Variants in PCDH11Y observed in about 807,000 individuals in gnomAD.
PCDH11Y encodes the protein protocadherin 11 Y-linked.
For missense variants in PCDH11Y, 12 were observed against 224.8 expected (o/e 0.05, Z 6.05); for synonymous variants, 9 against 83.6 (o/e 0.11, Z 4.87).
chrY:5,735,920 C>CT (rs2053609019), intron 4 of PCDH11Y, among the ~76,000 whole-genome samples: 1 of 32,383 alleles, frequency 3.1e-5, no homozygotes, highest in Non-Finnish European at 7.6e-5. Flanking sequence ...TTTTTTTCAT[C>CT]TTTTTTTTAA....
chrY:5,213,072 C>T, intron 2 of PCDH11Y, among the ~76,000 whole-genome samples: 1 of 25,696 alleles, frequency 3.9e-5, no homozygotes, highest in Non-Finnish European at 8.8e-5. Context: ...GCAATCAATT[C>T]GCATGCAGTA....
At chrY:5,321,792 G>C (rs370047353) in intron 2 of PCDH11Y, among the ~76,000 whole-genome samples, 123 of 31,129 alleles carry the variant, frequency 4.0e-3, no homozygotes, top group African/African-American at 0.014. Flanking sequence ...AACATACCGA[G>C]ACCCATCTCT....
intron 3 of PCDH11Y, among the ~76,000 whole-genome samples, chrY:5,525,829 T>A (rs2053387060): frequency 6.3e-5 from 2 of 31,589 alleles, no homozygotes; most frequent in African/African-American, 1.3e-4. Context: ...GCATCTATAG[T>A]ACCTTCATTT....
At chrY:5,492,505 G>A in intron 2 of PCDH11Y, among the ~76,000 whole-genome samples, 2 of 24,864 alleles carry the variant, frequency 8.0e-5, no homozygotes, top group South Asian at 2.0e-3. Flanking sequence ...GTGTATGTGC[G>A]TGTGGAGTAT....
intron 4 of PCDH11Y, among the ~76,000 whole-genome samples, chrY:5,597,313 A>ATGTATATATGTG (rs2053468009): frequency 5.7e-5 from 1 of 17,625 alleles, no homozygotes; most frequent in African/African-American, 2.5e-4. Flanking sequence ...ATATATACGT[A>ATGTATATATGTG]TGTATATATG....
At chrY:5,559,553 T>A in intron 3 of PCDH11Y, among the ~76,000 whole-genome samples, 1 of 32,803 alleles carries the variant, frequency 3.0e-5, no homozygotes, top group Non-Finnish European at 7.4e-5. Context: ...TCCCAAATGT[T>A]GTGGGAGGAG....
intron 2 of PCDH11Y, among the ~76,000 whole-genome samples, chrY:5,487,769 C>T: frequency 9.0e-5 from 3 of 33,275 alleles, no homozygotes; most frequent in African/African-American, 2.4e-4. Flanking sequence ...ACTGACATGT[C>T]AAACTTGTTT....
intron 4 of PCDH11Y, among the ~76,000 whole-genome samples, chrY:5,682,682 T>C: frequency 6.5e-5 from 2 of 30,830 alleles, no homozygotes; most frequent in African/African-American, 2.6e-4. Flanking sequence ...TATATCAAGC[T>C]CCAACAGGTC....
intron 3 of PCDH11Y, among the ~76,000 whole-genome samples, chrY:5,045,338 C>T: frequency 3.4e-4 from 11 of 32,494 alleles, no homozygotes; most frequent in African/African-American, 1.1e-3. Context: ...ATTTGCTTGT[C>T]TGTAAAGTAT....
chrY:5,087,832 C>T, intron 1 of PCDH11Y, among the ~76,000 whole-genome samples: 1 of 31,591 alleles, frequency 3.2e-5, no homozygotes, highest in African/African-American at 1.3e-4. Context: ...AGTGGTTCCC[C>T]ACCAGATAGG....
intron 4 of PCDH11Y, among the ~76,000 whole-genome samples, chrY:5,603,915 GAAAGAAAGA>G (rs2053476198): frequency 1.2e-4 from 3 of 25,732 alleles, no homozygotes; most frequent in Admixed American, 3.8e-4. Context: ...AAGAAAGAAA[GAAAGAAAGA>G]AAAGAAAGAA....
At chrY:5,735,878 G>A (rs2053608954) in intron 4 of PCDH11Y, among the ~76,000 whole-genome samples, 11 of 32,424 alleles carry the variant, frequency 3.4e-4, no homozygotes, top group African/African-American at 1.3e-3. Flanking sequence ...TAAGAACATG[G>A]TATATCTCTC....
chrY:5,588,167 A>G (rs2053457681), intron 4 of PCDH11Y, among the ~76,000 whole-genome samples: 1 of 26,192 alleles, frequency 3.8e-5, no homozygotes, highest in African/African-American at 1.5e-4. Context: ...AGCTAATAAT[A>G]ATTTAACACT....
chrY:5,424,745 C>T (rs2053261662), intron 2 of PCDH11Y, among the ~76,000 whole-genome samples: 1 of 32,147 alleles, frequency 3.1e-5, no homozygotes, highest in African/African-American at 1.2e-4. Context: ...TGCCCAGGCT[C>T]GACTCATTGC....
chrY:5,111,893 G>A, intron 2 of PCDH11Y, among the ~76,000 whole-genome samples: 1 of 34,370 alleles, frequency 2.9e-5, no homozygotes. Context: ...TAGAGGAAAT[G>A]TCATATTAAT....
At chrY:5,009,997 G>A in intron 1 of PCDH11Y, among the ~76,000 whole-genome samples, 2 of 32,855 alleles carry the variant, frequency 6.1e-5, no homozygotes, top group Admixed American at 2.7e-4. Flanking sequence ...GAGGTCAAGA[G>A]ATCGAGGCCA....
chrY:5,076,929 A>AT (rs2052710664), intron 1 of PCDH11Y, among the ~76,000 whole-genome samples: 1 of 32,525 alleles, frequency 3.1e-5, no homozygotes, highest in East Asian at 8.4e-4. Flanking sequence ...AAATCTGAGG[A>AT]TTTTTTTTCT....
At chrY:5,311,373 C>A (rs2053099629) in intron 2 of PCDH11Y, among the ~76,000 whole-genome samples, 1 of 27,879 alleles carries the variant, frequency 3.6e-5, no homozygotes, top group East Asian at 9.1e-4. Context: ...GGGTAAACAG[C>A]CTTTATCCCA....
chrY:5,151,839 T>A (rs1602876974), intron 2 of PCDH11Y, among the ~76,000 whole-genome samples: 7 of 31,943 alleles, frequency 2.2e-4, no homozygotes, highest in Admixed American at 8.8e-4. Flanking sequence ...TCATATATAT[T>A]ATATAATGAG....
Sources: allele counts gnomAD v4.1 joint callset (sites outside exome capture counted in the v4.1 genomes callset), GRCh38; gene constraint gnomAD v4.1.1; transcripts MANE v1.5; gene names NCBI Gene and HGNC (gene_info 2026-07-23, HGNC 2026-07-21).